The following AGAP1 variants were observed in gnomAD, a reference collection of about 807,000 sequenced individuals.
AGAP1 encodes arf-GAP with GTPase, ANK repeat and PH domain-containing protein 1.
Under a neutral mutation model 105.3 loss-of-function variants are expected in AGAP1, and 29 were observed. That is an observed-to-expected ratio of 0.28 (90% CI 0.21 to 0.38). The LOEUF (loss-of-function observed/expected upper bound fraction) is 0.38, where lower values mean the gene tolerates loss of function less well. Ranked by LOEUF, AGAP1 falls within the 10% of genes least tolerant of loss-of-function variation. AGAP1 has a pLI of 1.00. For missense variants in AGAP1, 998 were observed against 1,165.1 expected, an observed-to-expected ratio of 0.86 and a Z score of 2.09; for synonymous variants, 509 against 485.9, an observed-to-expected ratio of 1.05 and a Z score of -0.63.
chr2:235,860,806 G>T (rs552229585), intron 9 of AGAP1, among the ~76,000 whole-genome samples: 2 of 152,152 alleles, frequency 1.3e-5, no homozygotes, highest in Non-Finnish European at 2.9e-5. Context: ...CCAAATGATG[G>T]TTCAATTAGC....
chr2:236,003,819 C>T lies in AGAP1; in HGVS notation c.1646-32742C>T, dbSNP rs909266757. On this transcript the variant is annotated intron_variant, in intron 13 of 17. Transcript: ENST00000304032. This position sits in a 1 kb window ranked among gnomAD's most constrained non-coding sequence, Gnocchi z 4.2. ...TTTTTCTGGAAGTTTGCATGTCCTA[C>T]ACTATCTATAAATATGTAACTTTTT... 1.3e-5 allele frequency among the ~76,000 whole-genome samples: 2 copies of T among 151,908 alleles called. No homozygotes were observed. The highest frequency in any genetic ancestry group is 2.9e-5 in the Non-Finnish European group (2 of 67,982).
chr2:235,591,217 T>C (rs752326282), intron 1 of AGAP1, among the ~76,000 whole-genome samples: 1 of 152,226 alleles, frequency 6.6e-6, no homozygotes, highest in Non-Finnish European at 1.5e-5. Flanking sequence ...GGTTTTGCCA[T>C]GTTGGCCAGG....
chr2:235,665,611 G>A lies in AGAP1; in HGVS notation c.164-43568G>A, dbSNP rs1165955203. 6.6e-6 allele frequency among the ~76,000 whole-genome samples: 1 copy of A among 152,080 alleles called. No homozygotes were observed. Among genetic ancestry groups the A allele is most frequent in the Non-Finnish European group, 1.5e-5 (1 of 68,016 alleles). On this transcript the variant is annotated intron_variant, in intron 1 of 17. Coordinates refer to ENST00000304032, the MANE Select transcript of AGAP1 (RefSeq NM_001037131.3). The surrounding 1 kb of genome is among the most constrained non-coding windows in gnomAD (Gnocchi z 5.3). ...TGAGTCTTATGCTAAAAATATAAAA[G>A]TATTAATAAGACGTTACTGTCTTGG...
chr2:235,642,944 G>C lies in AGAP1; in HGVS notation c.164-66235G>C, dbSNP rs375506004. On this transcript the variant is annotated intron_variant, in intron 1 of 17. Coordinates refer to ENST00000304032, the MANE Select transcript of AGAP1 (RefSeq NM_001037131.3). This position sits in a 1 kb window ranked among gnomAD's most constrained non-coding sequence, Gnocchi z 4.1. ...GCCATGACAAGGCACGGTGGTGGTG[G>C]GGACCTGGCAAGGTACCGAACGGTG... Among the ~76,000 whole-genome samples, 214 of 152,294 alleles carry C rather than the reference G, an allele frequency of 1.4e-3. No individual in the cohort carries two copies. Among genetic ancestry groups the C allele is most frequent in the African/African-American group, 4.1e-3 (172 of 41,556 alleles).
intron 16 of AGAP1, among the ~76,000 whole-genome samples, chr2:236,091,630 G>A (rs1039608656): frequency 2.0e-5 from 3 of 152,116 alleles, no homozygotes; most frequent in Admixed American, 1.3e-4. Context: ...AAAATTAGCC[G>A]AGTGTGGTGG....
chr2:235,990,291 T>C (rs13417767), intron 13 of AGAP1, among the ~76,000 whole-genome samples: 85,856 of 152,066 alleles, frequency 0.56, 24,339 homozygotes, highest in South Asian at 0.67. Flanking sequence ...TGTGCCCCTG[T>C]GTCCAGCCGC....
Position 235,982,257 on chromosome 2 carries a change from G to A in AGAP1, c.1645+13634G>A, listed in dbSNP as rs1340502751. Among the ~76,000 whole-genome samples the A allele has an allele frequency of 6.6e-6, 1 of 152,178 alleles. No homozygotes were observed. The highest frequency in any genetic ancestry group is 6.5e-5 in the Admixed American group (1 of 15,280). ...AGAGAATCAAAGAGTCAGTAAACAT[G>A]CAGAAACACTTTTAGCTGTGAATGC... On this transcript the variant is annotated intron_variant, in intron 13 of 17. Coordinates refer to ENST00000304032, the MANE Select transcript of AGAP1 (RefSeq NM_001037131.3). The surrounding 1 kb of genome is among the most constrained non-coding windows in gnomAD (Gnocchi z 4.9).
intron 1 of AGAP1, among the ~76,000 whole-genome samples, chr2:235,498,175 C>T (rs4663598): frequency 6.6e-6 from 1 of 152,112 alleles, no homozygotes; most frequent in African/African-American, 2.4e-5. Flanking sequence ...AATAAAAACA[C>T]ATCCGTAATC....
chr2:235,863,306 A>C (rs745759642), intron 9 of AGAP1, among the ~76,000 whole-genome samples: 18 of 152,252 alleles, frequency 1.2e-4, no homozygotes, highest in East Asian at 1.9e-4. Flanking sequence ...TACATGAGAA[A>C]AAGTAAGAAG....
At position 236,104,082 on chromosome 2, in the gene AGAP1, T is replaced by A. The variant is rs367548674; in HGVS notation, c.2115-16110T>A. ...GCCTGCAGCAATGTGAAACCTTAGG[T>A]ACTTCCCACTTGCATTTAGGTGGGG... On this transcript the variant is annotated intron_variant, in intron 16 of 17. Coordinates refer to ENST00000304032, the MANE Select transcript of AGAP1 (RefSeq NM_001037131.3). This position sits in a 1 kb window ranked among gnomAD's most constrained non-coding sequence, Gnocchi z 4.7. Among the ~76,000 whole-genome samples the A allele has an allele frequency of 6.6e-5, 10 of 152,300 alleles. No homozygotes were observed. The East Asian group carries it at 1.5e-3, about 24-fold the overall frequency.
rs1252656796 is a variant in AGAP1, at chr2:236,073,433, TATC to T, written c.2114+24154_2114+24156del. On this transcript the variant is annotated intron_variant, in intron 16 of 17. Coordinates refer to ENST00000304032, the MANE Select transcript of AGAP1 (RefSeq NM_001037131.3). The surrounding 1 kb of genome is among the most constrained non-coding windows in gnomAD (Gnocchi z 5.4). ...TTGGCAATCATGGGTCTAGATAGCT[TATC>T]AGGACAGGAGTTACATTTGCCCTAT... Among the ~76,000 whole-genome samples, 4 of 152,122 alleles carry T rather than the reference TATC, an allele frequency of 2.6e-5. No individual in the cohort carries two copies. Among genetic ancestry groups the T allele is most frequent in the African/African-American group, 9.7e-5 (4 of 41,430 alleles).
At chr2:235,846,786 T>C (rs1961546976) in intron 9 of AGAP1, among the ~76,000 whole-genome samples, 1 of 152,266 alleles carries the variant, frequency 6.6e-6, no homozygotes, top group Middle Eastern at 3.4e-3. Flanking sequence ...ACAAGCATAC[T>C]CCACCATGCC....
chr2:235,850,900 G>A (rs751793260), intron 9 of AGAP1, among the ~76,000 whole-genome samples: 2 of 152,246 alleles, frequency 1.3e-5, no homozygotes, highest in Non-Finnish European at 2.9e-5. Flanking sequence ...ATTGTGGTCT[G>A]TGGTGGGCAG....
chr2:236,084,169 C>T (rs555766174), intron 16 of AGAP1, among the ~76,000 whole-genome samples: 4 of 151,688 alleles, frequency 2.6e-5, no homozygotes, highest in African/African-American at 9.7e-5. Flanking sequence ...CTGGGAGGCC[C>T]CGGTGGGGAA....
Position 236,058,346 on chromosome 2 carries a change from C to T in AGAP1, c.2114+9065C>T, listed in dbSNP as rs2058101674. 6.6e-6 allele frequency among the ~76,000 whole-genome samples: 1 copy of T among 152,092 alleles called. No homozygotes were observed. Among genetic ancestry groups the T allele is most frequent in the Admixed American group, 6.6e-5 (1 of 15,242 alleles). On this transcript the variant is annotated intron_variant, in intron 16 of 17. Transcript: ENST00000304032. The surrounding 1 kb of genome is among the most constrained non-coding windows in gnomAD (Gnocchi z 4.6). ...AGTATATCCCAGCAGATGTTACAGCCAGAGAGCATCTACAAGAGGATTAGA... is the reference window on the plus strand; with the variant it reads ...AGTATATCCCAGCAGATGTTACAGCTAGAGAGCATCTACAAGAGGATTAGA...
intron 16 of AGAP1, among the ~76,000 whole-genome samples, chr2:236,102,152 T>A (rs560771674): frequency 3.1e-4 from 47 of 151,920 alleles, no homozygotes; most frequent in Non-Finnish European, 4.7e-4. Context: ...GCGCGGTGGC[T>A]CACGCCTGTA....
intron 1 of AGAP1, among the ~76,000 whole-genome samples, chr2:235,695,274 T>A (rs1002697384): frequency 4.6e-5 from 7 of 152,230 alleles, no homozygotes; most frequent in African/African-American, 1.7e-4. Flanking sequence ...AGGAACTACT[T>A]CTTTCCATGA....
Position 235,883,350 on chromosome 2 carries a change from G to A in AGAP1, c.1056G>A (p.Met352Ile), listed in dbSNP as rs772303658. The change falls in exon 10 of 18, where the codon ATG (methionine) becomes ATA (isoleucine). Residue 352 changes from methionine (M) to isoleucine (I), a missense_variant. This residue lies in a region of AGAP1 where 735 missense variants were observed against 833.4 expected (regional missense o/e 0.88). Transcript: ENST00000304032. This position sits in a 1 kb window ranked among gnomAD's most constrained non-coding sequence, Gnocchi z 4.5. ...SGRAIPIKQG[M>I]LLKRSGKSLN... Reference sequence around the variant, plus strand: ...TGGCTCTTTTTCCCTTGTAGGGCATGCTGTTGAAGCGAAGTGGCAAATCGT... The same window carrying A: ...TGGCTCTTTTTCCCTTGTAGGGCATACTGTTGAAGCGAAGTGGCAAATCGT... 1 of 1,613,876 alleles carries A rather than the reference G, an allele frequency of 6.2e-7. No homozygotes were observed. The highest frequency in any genetic ancestry group is 8.5e-7 in the Non-Finnish European group (1 of 1,179,906).
In AGAP1 at chr2:235,725,301, G is replaced by C. The variant is rs540431400; in HGVS notation, c.310+7657G>C. Among the ~76,000 whole-genome samples, 3 of 152,186 alleles carry C rather than the reference G, an allele frequency of 2.0e-5. No individual in the cohort carries two copies. In the South Asian group the frequency reaches 6.2e-4, roughly 32 times the overall value. On this transcript the variant is annotated intron_variant, in intron 3 of 17. Transcript: ENST00000304032. The surrounding 1 kb of genome is among the most constrained non-coding windows in gnomAD (Gnocchi z 5.7). ...ACGTGTATCTTAAATATGTTTTAAC[G>C]AATGTTTACTTAGTTTCTTAGAAAC...
Sources: gnomAD v4.1 joint callset for allele counts (sites outside exome capture counted in the v4.1 genomes callset) on GRCh38, gnomAD v4.1.1 for gene constraint, gnomAD v4.1.1 regional missense constraint, Gnocchi (gnomAD v3.1) non-coding constraint, MANE v1.5 for transcripts, NCBI Gene and HGNC (gene_info 2026-07-23, HGNC 2026-07-21) for gene names.